Variants in IFT122 observed in about 807,000 individuals in gnomAD.
The protein encoded by IFT122 is intraflagellar transport protein 122 homolog.
Under a neutral mutation model 161.6 loss-of-function variants are expected in IFT122, and 118 were observed. That is an observed-to-expected ratio of 0.73 (90% CI 0.63 to 0.85). The LOEUF (loss-of-function observed/expected upper bound fraction) is 0.85. Ranked by LOEUF, IFT122 falls within the 40% of genes least tolerant of loss-of-function variation. IFT122 has a pLI of 0.00. For missense variants in IFT122, 1,381 were observed against 1,579.6 expected (o/e 0.87, Z 2.13); for synonymous variants, 550 against 602.4 (o/e 0.91, Z 1.27).
rs1309018528 is a variant in IFT122 at position 129,481,587 on chromosome 3, G to A, written c.1546G>A (p.Ala516Thr). The change falls in exon 14 of 30, where the codon GCT becomes ACT. Residue 516 changes from alanine (A) to threonine (T), a missense_variant. This residue lies in a region of IFT122 where 544 missense variants were observed against 648.0 expected (regional missense o/e 0.84). Coordinates refer to ENST00000348417, the MANE Select transcript of IFT122 (RefSeq NM_052989.3). ...TATCGTCCTGCTGAAGCAGGCCACA[G>A]CTGTGCGCTGCTTGGACATGAGTGC... Reference protein sequence around the residue: ...FAIVLLKQATAVRCLDMSASR... With the variant: ...FAIVLLKQATTVRCLDMSASR... The A allele has an allele frequency of 1.9e-6, 3 of 1,585,320 alleles. No homozygotes were observed. The highest frequency in any genetic ancestry group is 2.6e-6 in the Non-Finnish European group (3 of 1,153,728).
chr3:129,505,682 C>T (rs146817243), intron 21 of IFT122, among the ~76,000 whole-genome samples: 2 of 152,236 alleles, frequency 1.3e-5, no homozygotes, highest in East Asian at 3.8e-4. Flanking sequence ...GCTTCACTGG[C>T]AGCCACCAAC....
At chr3:129,490,178 G>A (rs2079890383) in intron 16 of IFT122, among the ~76,000 whole-genome samples, 1 of 152,130 alleles carries the variant, frequency 6.6e-6, no homozygotes, top group African/African-American at 2.4e-5. Flanking sequence ...TACTATAGTT[G>A]AAAAGTAAGT....
chr3:129,463,492 T>G (rs2076393531), intron 5 of IFT122, 68 bp from the exon 6 acceptor site: 6 of 1,234,366 alleles, frequency 4.9e-6, no homozygotes, highest in African/African-American at 4.4e-5. Flanking sequence ...TTTCAATTAT[T>G]TGTTCCTTTT....
chr3:129,480,017 A>G, intron 13 of IFT122, 95 bp downstream of exon 13: 2 of 1,476,038 alleles, frequency 1.4e-6, no homozygotes, highest in Non-Finnish European at 1.9e-6. Flanking sequence ...TTCTCAGGGC[A>G]GGAAAAGGGC....
At chr3:129,464,228 A>G (rs1056106338) in intron 6 of IFT122, among the ~76,000 whole-genome samples, 1 of 152,136 alleles carries the variant, frequency 6.6e-6, no homozygotes, top group Admixed American at 6.5e-5. Context: ...GCATCTGTTG[A>G]GCACCTTCTA....
At chr3:129,459,684 T>TTC (rs2075987989) in intron 4 of IFT122, among the ~76,000 whole-genome samples, 7 of 39,740 alleles carry the variant, frequency 1.8e-4, no homozygotes, top group South Asian at 1.9e-3. Context: ...CTCCCTCCCT[T>TTC]CTTCCTTCCT....
At chr3:129,519,415 T>A (rs1043297718) in intron 28 of IFT122, among the ~76,000 whole-genome samples, 153 bp from the exon 29 acceptor site, 1 of 152,174 alleles carries the variant, frequency 6.6e-6, no homozygotes, top group African/African-American at 2.4e-5. Context: ...CAGCTTCAGC[T>A]CTGGTGGGAG....
rs536698951 is a variant in IFT122 at position 129,503,372 on chromosome 3, A to T, written c.2547+490A>T. ...CCTCCCTTCTCTGCCCCCACCCCAC[A>T]ACCACTACTTCTCTCTGGTGTCAGG... On this transcript the variant is annotated intron_variant, in intron 20 of 29. Transcript: ENST00000348417. Among the ~76,000 whole-genome samples the T allele has an allele frequency of 6.6e-5, 10 of 152,192 alleles. 1 individual carries two copies. The South Asian group carries it at 2.1e-3, about 32-fold the overall frequency.
At chr3:129,459,366 C>T (rs563325732) in intron 4 of IFT122, 36 of 436,694 alleles carry the variant, frequency 8.2e-5, no homozygotes, top group Middle Eastern at 7.3e-4. Flanking sequence ...CTCGGCTCAC[C>T]GCAAGCTCCA....
chr3:129,465,433 A>G (rs1037711058), intron 7 of IFT122, among the ~76,000 whole-genome samples: 13 of 146,106 alleles, frequency 8.9e-5, no homozygotes, highest in East Asian at 2.0e-4. Context: ...TTCTATGTCC[A>G]TGTGACTTTG....
At chr3:129,506,716 A>T (rs2082228279) in intron 22 of IFT122, among the ~76,000 whole-genome samples, 167 bp downstream of exon 22, 1 of 152,020 alleles carries the variant, frequency 6.6e-6, no homozygotes, top group Non-Finnish European at 1.5e-5. Flanking sequence ...ATCTTTTTCC[A>T]GTTTGCCCAT....
chr3:129,458,602 A>T lies in IFT122; in HGVS notation c.197A>T (p.Lys66Met). 2 of 1,613,796 alleles carry T rather than the reference A, an allele frequency of 1.2e-6. No homozygotes were observed. The highest frequency in any genetic ancestry group is 1.7e-6 in the Non-Finnish European group (2 of 1,179,648). ...TCCATTTTACAAACACTTTTAGGCA[A>T]GCGCTTTGCTTCTGGATCAGCTGAC... ...VYCVAYAKDG[K>M]RFASGSADKS... The change falls in exon 4 of 30, where the codon AAG (lysine) becomes ATG (methionine). Residue 66 changes from lysine to methionine, a missense_variant. Physicochemically the swap from Lys to Met is moderately conservative, Grantham distance 95. This residue lies in a region of IFT122 where 134 missense variants were observed against 137.4 expected (regional missense o/e 0.98). Coordinates refer to ENST00000348417, the MANE Select transcript of IFT122 (RefSeq NM_052989.3).
At chr3:129,492,589 T>G (rs1404979318) in intron 17 of IFT122, among the ~76,000 whole-genome samples, 1 of 152,034 alleles carries the variant, frequency 6.6e-6, no homozygotes, top group Non-Finnish European at 1.5e-5. Context: ...TGGAGGAGTT[T>G]CCCAAATGCA....
At chr3:129,462,855 G>GC (rs2076336584) in intron 5 of IFT122, among the ~76,000 whole-genome samples, 1 of 152,190 alleles carries the variant, frequency 6.6e-6, no homozygotes, top group Admixed American at 6.5e-5. Flanking sequence ...GTGTGCCATG[G>GC]GAGAGGCACA....
chr3:129,476,834 ACAGGTGGAAG>A lies in IFT122; in HGVS notation c.1147+43_1147+52del, dbSNP rs371284757. 7.5e-4 allele frequency: 1,209 copies of A among 1,613,722 alleles called. 8 individuals are homozygous for A. The African/African-American group carries it at 0.014, about 19-fold the overall frequency. ...GCAGGTCCAGACCTTGGGAAGAGGGACAGGTGGAAGCAGGTGGAAAGGGCTGGTGACAGGG... is the reference window on the plus strand; with the variant it reads ...GCAGGTCCAGACCTTGGGAAGAGGGACAGGTGGAAAGGGCTGGTGACAGGG... On this transcript the variant is annotated intron_variant, in intron 11 of 29. Coordinates refer to ENST00000348417, the MANE Select transcript of IFT122 (RefSeq NM_052989.3).
intron 23 of IFT122, among the ~76,000 whole-genome samples, chr3:129,511,002 T>C (rs2082754296): frequency 6.6e-6 from 1 of 151,824 alleles, no homozygotes; most frequent in South Asian, 2.1e-4. Flanking sequence ...GCAAGTGAAG[T>C]GGAGGAGGAT....
At position 129,464,734 on chromosome 3, in the gene IFT122, G is replaced by A. The variant is rs748272790; in HGVS notation, c.516G>A (p.Pro172=). The A allele has an allele frequency of 1.9e-5, 30 of 1,613,876 alleles. No homozygotes were observed. Among genetic ancestry groups the A allele is most frequent in the Middle Eastern group, 1.6e-4 (1 of 6,080 alleles). The change falls in exon 7 of 30, where the codon CCG becomes CCA. Residue 172 remains proline, a synonymous_variant. Coordinates refer to ENST00000348417, the MANE Select transcript of IFT122 (RefSeq NM_052989.3). Reference sequence around the variant, plus strand: ...AGGAGAAAGTAAAGATCGAGCGGCCGGGGGGCTCCCTCTCGCCAATATGGT... The same window carrying A: ...AGGAGAAAGTAAAGATCGAGCGGCCAGGGGGCTCCCTCTCGCCAATATGGT... ...NGEEKVKIER[P]GGSLSPIWSI...
At chr3:129,469,457 T>C in intron 9 of IFT122, 40 bp downstream of exon 9, 1 of 1,458,780 alleles carries the variant, frequency 6.9e-7, no homozygotes, top group African/African-American at 1.4e-5. Context: ...GTCATGCCTG[T>C]TATATTTTCA....
At chr3:129,508,314 G>A (rs2082398669) in intron 23 of IFT122, among the ~76,000 whole-genome samples, 1 of 152,228 alleles carries the variant, frequency 6.6e-6, no homozygotes, top group African/African-American at 2.4e-5. Flanking sequence ...GGGAACAGGT[G>A]ATGGGTTGTC....
Sources: allele counts gnomAD v4.1 joint callset (sites outside exome capture counted in the v4.1 genomes callset), GRCh38; gene constraint gnomAD v4.1.1; regional missense constraint gnomAD v4.1.1; transcripts MANE v1.5; gene names NCBI Gene and HGNC (gene_info 2026-07-23, HGNC 2026-07-21).